The following STK32B variants were observed in gnomAD, a reference collection of about 807,000 sequenced individuals.
STK32B encodes serine/threonine kinase 32B, also known as serine/threonine-protein kinase 32B.
A neutral mutation model predicts 52.6 loss-of-function variants in STK32B; 43 were observed. The observed-to-expected ratio is 0.82, with a 90% CI of 0.64 to 1.05. STK32B has a LOEUF of 1.05. Ranked by LOEUF, STK32B falls within the 50% of genes least tolerant of loss-of-function variation. The pLI is 0.00. For synonymous variants in STK32B, 238 were observed against 204.3 expected (o/e 1.17, Z -1.41); for missense variants, 621 against 534.6 (o/e 1.16, Z -1.59).
Position 5,416,872 on chromosome 4 carries a change from T to C in STK32B, c.500T>C (p.Ile167Thr), listed in dbSNP as rs772605768. 2 of 1,613,966 alleles carry C rather than the reference T, an allele frequency of 1.2e-6. No homozygotes were observed. Among genetic ancestry groups the C allele is most frequent in the South Asian group, 1.1e-5 (1 of 90,976 alleles). ...HGHVHITDFN[I>T]ATVVKGAERA... Reference sequence around the variant, plus strand: ...CATGTTCACATTACAGACTTCAACATAGCGACGGTAGTGAAAGGAGCAGAA... The same window carrying C: ...CATGTTCACATTACAGACTTCAACACAGCGACGGTAGTGAAAGGAGCAGAA... Residue 167 changes from isoleucine to threonine, a missense_variant, in exon 6 of 12, where the codon ATA becomes ACA. Coordinates refer to ENST00000282908, the MANE Select transcript of STK32B (RefSeq NM_018401.3).
At chr4:5,158,157 C>G (rs1718017719) in intron 2 of STK32B, among the ~76,000 whole-genome samples, 1 of 152,162 alleles carries the variant, frequency 6.6e-6, no homozygotes, top group African/African-American at 2.4e-5. Context: ...TGGTGGACCT[C>G]ATTGCTCATC....
At position 5,313,008 on chromosome 4, in the gene STK32B, A is replaced by T. The variant is rs534784815; in HGVS notation, c.261-18212A>T. 2.0e-5 allele frequency among the ~76,000 whole-genome samples: 3 copies of T among 152,182 alleles called. No individual in the cohort carries two copies. The South Asian group carries it at 6.2e-4, about 32-fold the overall frequency. On this transcript the variant is annotated intron_variant, in intron 3 of 11. Transcript: ENST00000282908. ...TGTATTATCCTGATAACAAAAGCAG[A>T]TGAAGACAGTATGATAAAAGAAAGA...
At chr4:5,346,335 C>T (rs1275748430) in intron 4 of STK32B, among the ~76,000 whole-genome samples, 2 of 152,136 alleles carry the variant, frequency 1.3e-5, no homozygotes, top group African/African-American at 4.8e-5. Context: ...TGTAAGAGTC[C>T]AGATTTTCTC....
At chr4:5,227,153 GT>G (rs773018456) in intron 3 of STK32B, among the ~76,000 whole-genome samples, 6 of 152,140 alleles carry the variant, frequency 3.9e-5, no homozygotes, top group Non-Finnish European at 8.8e-5. Context: ...TTAATAGTTT[GT>G]TTTTTCATGT....
intron 7 of STK32B, among the ~76,000 whole-genome samples, chr4:5,454,802 G>A (rs957686565): frequency 1.3e-5 from 2 of 152,058 alleles, no homozygotes; most frequent in East Asian, 1.9e-4. Context: ...AGTTAAGATC[G>A]GCTCTCATCA....
At chr4:5,203,120 A>T (rs1722285531) in intron 3 of STK32B, among the ~76,000 whole-genome samples, 1 of 152,224 alleles carries the variant, frequency 6.6e-6, no homozygotes, top group Admixed American at 6.5e-5. Context: ...TTCTCTAAAA[A>T]GATGAAGGTA....
intron 3 of STK32B, among the ~76,000 whole-genome samples, chr4:5,300,381 A>G (rs970774922): frequency 1.3e-5 from 2 of 152,202 alleles, no homozygotes; most frequent in African/African-American, 4.8e-5. Context: ...TGAGACAAGA[A>G]TGCCCACTGT....
Position 5,387,932 on chromosome 4 carries a change from C to T in STK32B, c.435-10275C>T, listed in dbSNP as rs368450394. ...CTAATTTTTGTATTTTTAGTAAAGA[C>T]GGGGTTTCACCATGTTGGCCAGGCT... On this transcript the variant is annotated intron_variant, in intron 4 of 11. Coordinates refer to ENST00000282908, the MANE Select transcript of STK32B (RefSeq NM_018401.3). 6.0e-4 allele frequency among the ~76,000 whole-genome samples: 91 copies of T among 152,152 alleles called. No individual in the cohort carries two copies. In the East Asian group the frequency reaches 6.8e-3, roughly 11 times the overall value.
At chr4:5,472,735 T>A (rs1717936153) in intron 11 of STK32B, among the ~76,000 whole-genome samples, 1 of 152,234 alleles carries the variant, frequency 6.6e-6, no homozygotes, top group Admixed American at 6.5e-5. Flanking sequence ...CTTGAAAATA[T>A]CACATTTAAA....
intron 8 of STK32B, among the ~76,000 whole-genome samples, chr4:5,457,558 C>G (rs1262514411): frequency 6.6e-6 from 1 of 151,218 alleles, no homozygotes; most frequent in African/African-American, 2.4e-5. Flanking sequence ...TCTTTTCACT[C>G]AATGACCTTT....
chr4:5,456,942 G>A lies in STK32B; in HGVS notation c.783+19G>A. 6.7e-7 allele frequency: 1 copy of A among 1,489,126 alleles called. No individual in the cohort carries two copies. The highest frequency in any genetic ancestry group is 2.5e-5 in the East Asian group (1 of 39,616). The allele number at this position is 1,489,126 out of a possible 1,614,324, so 92.2% of individuals were successfully genotyped here. Reference sequence around the variant, plus strand: ...GAGGAAGGTAAGGGGGCAGCTTCCAGCCTGCCCCGCCAGGGAGCTACGGTG... The same window carrying A: ...GAGGAAGGTAAGGGGGCAGCTTCCAACCTGCCCCGCCAGGGAGCTACGGTG... On this transcript the variant is annotated intron_variant, in intron 8 of 11. Coordinates refer to ENST00000282908, the MANE Select transcript of STK32B (RefSeq NM_018401.3).
rs1716979354 is a variant in STK32B at position 5,460,946 on chromosome 4, G to GA, written c.909+721dup. Among the ~76,000 whole-genome samples the GA allele has an allele frequency of 6.6e-6, 1 of 152,216 alleles. No homozygotes were observed. The highest frequency in any genetic ancestry group is 6.5e-5 in the Admixed American group (1 of 15,286). On this transcript the variant is annotated intron_variant, in intron 9 of 11. Transcript: ENST00000282908. The surrounding 1 kb of genome is among the most constrained non-coding windows in gnomAD (Gnocchi z 4.8). ...ACTGGAGTGTTTAAGGCAGGGAAGT[G>GA]AAAGCATTGGATTTACATTTTAAAG...
At chr4:5,143,555 T>C (rs1360373084) in intron 2 of STK32B, among the ~76,000 whole-genome samples, 3 of 152,160 alleles carry the variant, frequency 2.0e-5, no homozygotes, top group African/African-American at 7.2e-5. Flanking sequence ...GAAGTTTCCC[T>C]TGTATGGTGA....
chr4:5,416,869 A>G lies in STK32B; in HGVS notation c.497A>G (p.Asn166Ser). ...GGACATGTTCACATTACAGACTTCA[A>G]CATAGCGACGGTAGTGAAAGGAGCA... is the stretch of plus-strand genomic sequence containing the variant. The part of the protein sequence containing the change: ...EHGHVHITDF[N>S]IATVVKGAER... Residue 166 changes from asparagine (N) to serine (S), a missense_variant, in exon 6 of 12, where the codon AAC becomes AGC. Transcript: ENST00000282908. The G allele has an allele frequency of 6.2e-7, 1 of 1,613,986 alleles. No individual in the cohort carries two copies. The highest frequency in any genetic ancestry group is 8.5e-7 in the Non-Finnish European group (1 of 1,179,946).
intron 4 of STK32B, among the ~76,000 whole-genome samples, chr4:5,362,283 A>G (rs1176443674): frequency 6.6e-6 from 1 of 152,228 alleles, no homozygotes; most frequent in Non-Finnish European, 1.5e-5. Flanking sequence ...GAATGAATAA[A>G]TTTCAGCCTT....
At chr4:5,025,903 A>G in the STK32B span, among the ~76,000 whole-genome samples, 1 of 152,208 alleles carries the variant, frequency 6.6e-6, no homozygotes. Context: ...GGTGGGGCGG[A>G]GACATTACCA....
At chr4:5,409,162 G>A (rs773212841) in intron 5 of STK32B, among the ~76,000 whole-genome samples, 13 of 152,144 alleles carry the variant, frequency 8.5e-5, no homozygotes, top group Non-Finnish European at 1.6e-4. Context: ...TCTCACCTGA[G>A]TGCATCTCAT....
the STK32B span, among the ~76,000 whole-genome samples, chr4:5,022,716 G>A: frequency 2.2e-3 from 332 of 152,314 alleles, no homozygotes; most frequent in Non-Finnish European, 3.3e-3. Context: ...GGTAGATATC[G>A]GCCATTGCCT....
At chr4:5,413,505 A>G (rs1711884355) in intron 5 of STK32B, among the ~76,000 whole-genome samples, 2 of 152,240 alleles carry the variant, frequency 1.3e-5, no homozygotes, top group Non-Finnish European at 2.9e-5. Flanking sequence ...ATATCCATGC[A>G]TGACACTGTC....
Sources: gnomAD v4.1 joint callset for allele counts (sites outside exome capture counted in the v4.1 genomes callset) on GRCh38, gnomAD v4.1.1 for gene constraint, Gnocchi (gnomAD v3.1) non-coding constraint, MANE v1.5 for transcripts, NCBI Gene and HGNC (gene_info 2026-07-23, HGNC 2026-07-21) for gene names.